Variants in PIK3C2G observed in about 807,000 individuals in gnomAD.
The protein encoded by PIK3C2G is phosphatidylinositol-4-phosphate 3-kinase catalytic subunit type 2 gamma.
A neutral mutation model predicts 181.1 loss-of-function variants in PIK3C2G; 168 were observed. The observed-to-expected ratio is 0.93, with a 90% confidence interval of 0.82 to 1.05. The LOEUF (loss-of-function observed/expected upper bound fraction) is 1.05, where lower values mean the gene tolerates loss of function less well. PIK3C2G is among the 50% of genes least tolerant of loss of function. PIK3C2G has a pLI of 0.00. For missense variants in PIK3C2G, 1,869 were observed against 1,732.8 expected, an observed-to-expected ratio of 1.08 and a Z score of -1.40; for synonymous variants, 573 against 592.2, an observed-to-expected ratio of 0.97 and a Z score of 0.47.
intron 11 of PIK3C2G, among the ~76,000 whole-genome samples, chr12:18,349,966 G>A (rs986488475): frequency 1.3e-5 from 2 of 152,144 alleles, no homozygotes; most frequent in African/African-American, 2.4e-5. Context: ...TTGTTACATG[G>A]GTCTCGACAG....
chr12:18,691,116 G>C, the PIK3C2G span, among the ~76,000 whole-genome samples: 1 of 152,096 alleles, frequency 6.6e-6, no homozygotes, highest in Non-Finnish European at 1.5e-5. Context: ...CAGATCAAGA[G>C]AATGGAGAAG....
chr12:18,576,623 T>C (rs1592626909), intron 29 of PIK3C2G, among the ~76,000 whole-genome samples: 1 of 152,218 alleles, frequency 6.6e-6, no homozygotes, highest in African/African-American at 2.4e-5. Flanking sequence ...TGTATGTGCA[T>C]TCTCAATATA....
intron 12 of PIK3C2G, among the ~76,000 whole-genome samples, chr12:18,366,393 C>T (rs756926057): frequency 1.3e-5 from 2 of 151,942 alleles, no homozygotes; most frequent in South Asian, 2.1e-4. Flanking sequence ...ATTAGCCAGG[C>T]GTGGTGGCCT....
At chr12:18,553,828 G>C (rs1163265847) in intron 26 of PIK3C2G, among the ~76,000 whole-genome samples, 3 of 151,952 alleles carry the variant, frequency 2.0e-5, no homozygotes, top group Non-Finnish European at 4.4e-5. Flanking sequence ...TCTTTGTATA[G>C]TTTGCTACCT....
the PIK3C2G span, among the ~76,000 whole-genome samples, chr12:18,664,884 A>G: frequency 6.6e-6 from 1 of 151,446 alleles, no homozygotes; most frequent in Non-Finnish European, 1.5e-5. Context: ...GGAAATCATC[A>G]TTCTCAGTAA....
chr12:18,403,513 G>C (rs953887425), intron 16 of PIK3C2G, among the ~76,000 whole-genome samples: 1 of 152,182 alleles, frequency 6.6e-6, no homozygotes, highest in Non-Finnish European at 1.5e-5. Context: ...TGAGTTGTCA[G>C]AGTGAGTACT....
intron 25 of PIK3C2G, among the ~76,000 whole-genome samples, chr12:18,543,492 C>T (rs928155563): frequency 6.6e-6 from 1 of 151,738 alleles, no homozygotes; most frequent in African/African-American, 2.4e-5. Context: ...TGGTGTTGCC[C>T]AGGTTGTCTT....
At chr12:18,273,966 A>G (rs571077065) in intron 1 of PIK3C2G, among the ~76,000 whole-genome samples, 1 of 152,252 alleles carries the variant, frequency 6.6e-6, no homozygotes, top group African/African-American at 2.4e-5. Context: ...AAGAAAAAAA[A>G]CAACCCCATC....
Position 18,496,150 on chromosome 12 carries a change from T to G in PIK3C2G, c.2882T>G (p.Phe961Cys). ...ATGGGCAAAAACATCAGCATTATTT[T>G]TAAGGTATGGTAGCGCTCTTAAAAC... ...NPMGKNISII[F>C]KAGDDLRQDM... Residue 961 changes from phenylalanine to cysteine, a missense_variant, in exon 21 of 33, where the codon TTT becomes TGT. Physicochemically the swap from Phe to Cys is radical, Grantham distance 205 (BLOSUM62 -2). Coordinates refer to ENST00000538779, the MANE Select transcript of PIK3C2G (RefSeq NM_001288772.2). 1 of 1,512,392 alleles carries G rather than the reference T, an allele frequency of 6.6e-7. No individual in the cohort carries two copies. Among genetic ancestry groups the G allele is most frequent in the Non-Finnish European group, 9.0e-7 (1 of 1,117,250 alleles). 93.7% of individuals were successfully genotyped at this position (1,512,392 alleles called of 1,614,324 possible).
At chr12:18,288,828 G>T (rs920178711) in intron 3 of PIK3C2G, among the ~76,000 whole-genome samples, 2 of 152,014 alleles carry the variant, frequency 1.3e-5, no homozygotes, top group African/African-American at 4.8e-5. Context: ...CTTATTCTTG[G>T]ATGAAATATT....
At chr12:18,661,037 G>A in the PIK3C2G span, among the ~76,000 whole-genome samples, 14 of 152,110 alleles carry the variant, frequency 9.2e-5, no homozygotes, top group Admixed American at 9.2e-4. Flanking sequence ...TAGAAGAATT[G>A]AAGGGTATAT....
intron 24 of PIK3C2G, among the ~76,000 whole-genome samples, chr12:18,534,091 AG>A (rs1943711108): frequency 6.6e-6 from 1 of 151,664 alleles, no homozygotes; most frequent in Non-Finnish European, 1.5e-5. Context: ...CTGGGATTAC[AG>A]GTGTGTGCCA....
intron 1 of PIK3C2G, among the ~76,000 whole-genome samples, chr12:18,266,881 T>C (rs1948524690): frequency 6.6e-6 from 1 of 151,946 alleles, no homozygotes; most frequent in African/African-American, 2.4e-5. Flanking sequence ...TCATGTTGGG[T>C]AAATGCTTCA....
intron 25 of PIK3C2G, among the ~76,000 whole-genome samples, chr12:18,539,746 T>C (rs1436443596): frequency 6.6e-6 from 1 of 151,886 alleles, no homozygotes; most frequent in Non-Finnish European, 1.5e-5. Flanking sequence ...ATATTCACCT[T>C]ACTTCTCTCC....
At chr12:18,597,724 G>T (rs1013960850) in intron 30 of PIK3C2G, among the ~76,000 whole-genome samples, 1 of 151,862 alleles carries the variant, frequency 6.6e-6, no homozygotes, top group African/African-American at 2.4e-5. Context: ...GTTTGCAGAC[G>T]ACATGATTGT....
At chr12:18,461,160 T>G (rs1319418896) in intron 18 of PIK3C2G, among the ~76,000 whole-genome samples, 1 of 152,158 alleles carries the variant, frequency 6.6e-6, no homozygotes, top group Non-Finnish European at 1.5e-5. Context: ...CTCACTTTAT[T>G]TAAAAAATAC....
At position 18,472,801 on chromosome 12, in the gene PIK3C2G, G is replaced by A. The variant is rs550228362; in HGVS notation, c.2505-15648G>A. 3.2e-4 allele frequency among the ~76,000 whole-genome samples: 49 copies of A among 152,188 alleles called. 1 individual carries two copies. Among genetic ancestry groups the A allele is most frequent in the African/African-American group, 9.6e-4 (40 of 41,516 alleles). On this transcript the variant is annotated intron_variant, in intron 18 of 32. Transcript: ENST00000538779. ...CGCAACTTCCACCTCCTGGGTTCAAGCAATTCTCCCACCTAAGCTTCCCGA... is the reference window on the plus strand; with the variant it reads ...CGCAACTTCCACCTCCTGGGTTCAAACAATTCTCCCACCTAAGCTTCCCGA...
At chr12:18,489,269 C>T (rs916643891) in intron 19 of PIK3C2G, among the ~76,000 whole-genome samples, 17 of 152,026 alleles carry the variant, frequency 1.1e-4, no homozygotes, top group African/African-American at 4.1e-4. Context: ...AGAAAGGGGA[C>T]ATTCTTTCAT....
downstream of PIK3C2G, among the ~76,000 whole-genome samples, chr12:18,648,585 G>T (rs1384225454): frequency 6.6e-6 from 1 of 152,064 alleles, no homozygotes; most frequent in Non-Finnish European, 1.5e-5. Flanking sequence ...ATTGTTGGAA[G>T]AAACTTCTTT....
Sources: allele counts gnomAD v4.1 joint callset (sites outside exome capture counted in the v4.1 genomes callset), GRCh38; gene constraint gnomAD v4.1.1; transcripts MANE v1.5; gene names NCBI Gene and HGNC (gene_info 2026-07-23, HGNC 2026-07-21).